The following AOPEP variants were observed in gnomAD, a reference collection of about 807,000 sequenced individuals.
The protein encoded by AOPEP is aminopeptidase O (putative).
In AOPEP, 77 loss-of-function variants were observed where a neutral mutation model predicts 98.1. That is an observed-to-expected ratio of 0.78 (90% CI 0.65 to 0.95). The LOEUF (loss-of-function observed/expected upper bound fraction) is 0.95. Among genes scored for constraint, AOPEP ranks in the 40% least tolerant of loss-of-function variants. AOPEP has a pLI of 0.00. For missense variants in AOPEP, 1,024 were observed against 1,024.7 expected (o/e 1.00, Z 0.01); for synonymous variants, 346 against 365.3 (o/e 0.95, Z 0.60).
chr9:94,801,045 A>T, intron 5 of AOPEP, 43 bp downstream of exon 5: 1 of 1,606,706 alleles, frequency 6.2e-7, no homozygotes. Context: ...TACATTTTGG[A>T]AATTCTTTGA....
chr9:94,975,160 G>A (rs1315464718), intron 10 of AOPEP, among the ~76,000 whole-genome samples: 1 of 152,100 alleles, frequency 6.6e-6, no homozygotes, highest in Non-Finnish European at 1.5e-5. Context: ...CATCCCTGGA[G>A]GAGGAGGAGG....
At chr9:95,150,005 C>G in the AOPEP span, 1 of 1,613,934 alleles carries the variant, frequency 6.2e-7, no homozygotes. Flanking sequence ...ATGAGGAGAG[C>G]CTCCACCAGG....
rs1301225675 is a variant in AOPEP, at chr9:94,972,268, G to A, written c.1916+4467G>A. ...ACTCTGAAGTAGCAGTGGAAATGCA[G>A]GAGGGCAGGTGTTTGGGGAGTCTGA... On this transcript the variant is annotated intron_variant, in intron 10 of 16. Coordinates refer to ENST00000375315, the MANE Select transcript of AOPEP (RefSeq NM_001193329.3). This position sits in a 1 kb window ranked among gnomAD's most constrained non-coding sequence, Gnocchi z 4.2. Among the ~76,000 whole-genome samples the A allele has an allele frequency of 6.6e-6, 1 of 152,178 alleles. No homozygotes were observed. The highest frequency in any genetic ancestry group is 2.4e-5 in the African/African-American group (1 of 41,448).
At chr9:94,894,076 A>G (rs2049184411) in intron 5 of AOPEP, among the ~76,000 whole-genome samples, 1 of 152,210 alleles carries the variant, frequency 6.6e-6, no homozygotes, top group Admixed American at 6.5e-5. Flanking sequence ...CAGAATATCT[A>G]GAAAACAATA....
chr9:94,819,468 G>A (rs1278113093), intron 5 of AOPEP, among the ~76,000 whole-genome samples: 3 of 152,236 alleles, frequency 2.0e-5, no homozygotes, highest in Admixed American at 2.0e-4. Context: ...TCACAGGCCA[G>A]CCCTCCCCGG....
chr9:95,027,408 T>C (rs971745644), intron 13 of AOPEP, among the ~76,000 whole-genome samples: 1 of 152,254 alleles, frequency 6.6e-6, no homozygotes, highest in Non-Finnish European at 1.5e-5. Flanking sequence ...TTTTTTCTTG[T>C]GGACTTGATA....
intron 5 of AOPEP, among the ~76,000 whole-genome samples, chr9:94,816,432 G>A (rs1195546149): frequency 6.6e-6 from 1 of 152,144 alleles, no homozygotes; most frequent in African/African-American, 2.4e-5. Flanking sequence ...TCTAAAAATT[G>A]GCCCAACCTT....
intron 11 of AOPEP, among the ~76,000 whole-genome samples, chr9:95,001,014 G>A (rs981958053): frequency 2.0e-5 from 3 of 152,134 alleles, no homozygotes; most frequent in African/African-American, 4.8e-5. Context: ...TGGGAACATT[G>A]AAGAGCCCCT....
At chr9:94,796,980 C>G (rs1847090314) in intron 4 of AOPEP, among the ~76,000 whole-genome samples, 1 of 152,080 alleles carries the variant, frequency 6.6e-6, no homozygotes, top group Non-Finnish European at 1.5e-5. Flanking sequence ...AAAATGGGCA[C>G]TACAAAGAAG....
chr9:94,750,584 A>AAAAAAAC (rs1268739460), intron 1 of AOPEP, among the ~76,000 whole-genome samples: 2 of 151,976 alleles, frequency 1.3e-5, no homozygotes, highest in Non-Finnish European at 2.9e-5. Context: ...ACTCCGTCTC[A>AAAAAAAC]AAAAAACAAA....
At chr9:94,897,841 CTTT>C (rs11396643) in intron 5 of AOPEP, among the ~76,000 whole-genome samples, 6 of 139,604 alleles carry the variant, frequency 4.3e-5, no homozygotes, top group Admixed American at 1.4e-4. Flanking sequence ...AAAAGTATGC[CTTT>C]TTTTTTTTTT....
At chr9:95,012,747 T>A (rs1159078277) in intron 13 of AOPEP, among the ~76,000 whole-genome samples, 1 of 152,040 alleles carries the variant, frequency 6.6e-6, no homozygotes, top group African/African-American at 2.4e-5. Flanking sequence ...AGAGTTAAAC[T>A]CAAGCTTTTA....
chr9:94,770,714 C>T (rs952866373), intron 2 of AOPEP, among the ~76,000 whole-genome samples: 6 of 152,158 alleles, frequency 3.9e-5, no homozygotes, highest in Non-Finnish European at 8.8e-5. Context: ...AGTGACATGC[C>T]GTCACCTCTG....
At chr9:94,784,277 A>G (rs1843915076) in intron 3 of AOPEP, among the ~76,000 whole-genome samples, 1 of 152,194 alleles carries the variant, frequency 6.6e-6, no homozygotes, top group African/African-American at 2.4e-5. Flanking sequence ...CTTTTCATAA[A>G]TTTCTTATTT....
At chr9:94,811,801 G>A (rs1396828150) in intron 5 of AOPEP, among the ~76,000 whole-genome samples, 1 of 152,152 alleles carries the variant, frequency 6.6e-6, no homozygotes. Context: ...GAACTTCTTA[G>A]GATTATTCTA....
At chr9:94,902,551 A>G (rs937359399) in intron 5 of AOPEP, among the ~76,000 whole-genome samples, 8 of 152,204 alleles carry the variant, frequency 5.3e-5, no homozygotes, top group African/African-American at 1.4e-4. Flanking sequence ...TACCCAAGAC[A>G]TTAGTACTAG....
At chr9:94,796,597 G>T (rs1304826274) in intron 4 of AOPEP, among the ~76,000 whole-genome samples, 1 of 152,132 alleles carries the variant, frequency 6.6e-6, no homozygotes, top group Admixed American at 6.5e-5. Flanking sequence ...TATACCACAG[G>T]TTTTCATTTG....
At chr9:95,055,673 G>A (rs1202188591) in intron 13 of AOPEP, among the ~76,000 whole-genome samples, 2 of 152,170 alleles carry the variant, frequency 1.3e-5, no homozygotes, top group East Asian at 3.9e-4. Context: ...GAGTGAAAGG[G>A]GATTTGTCAG....
intron 7 of AOPEP, among the ~76,000 whole-genome samples, chr9:94,943,934 A>C (rs911108911): frequency 4.7e-5 from 7 of 150,142 alleles, no homozygotes; most frequent in East Asian, 3.9e-4. Context: ...AAAAAAAAAA[A>C]AAAAAAAAAA....
Sources: gnomAD v4.1 joint callset for allele counts (sites outside exome capture counted in the v4.1 genomes callset) on GRCh38, gnomAD v4.1.1 for gene constraint, Gnocchi (gnomAD v3.1) non-coding constraint, MANE v1.5 for transcripts, NCBI Gene and HGNC (gene_info 2026-07-23, HGNC 2026-07-21) for gene names.